The following SPECC1 variants were observed in gnomAD, a reference collection of about 807,000 sequenced individuals.
SPECC1 encodes the protein cytospin-B.
Under a neutral mutation model 104.1 loss-of-function variants are expected in SPECC1, and 62 were observed. The ratio of observed to expected loss-of-function variants is 0.60; its 90% CI spans 0.49 to 0.74. The LOEUF is 0.74. SPECC1 is among the 30% of genes least tolerant of loss of function. The pLI, the probability that SPECC1 is intolerant of heterozygous loss-of-function variation, is 0.00. For synonymous variants in SPECC1, 513 were observed against 501.6 expected, an observed-to-expected ratio of 1.02 and a Z score of -0.30; for missense variants, 1,306 against 1,310.5, an observed-to-expected ratio of 1.00 and a Z score of 0.05.
intron 3 of SPECC1, among the ~76,000 whole-genome samples, chr17:20,143,632 C>T (rs2031108035): frequency 6.6e-6 from 1 of 151,826 alleles, no homozygotes; most frequent in South Asian, 2.1e-4. Flanking sequence ...TGAGCCACTG[C>T]ACTCCAGCCT....
rs193176118 is a variant in SPECC1, at chr17:20,241,163, A to G, written c.2352-4763A>G. On this transcript the variant is annotated intron_variant, in intron 7 of 14. Coordinates refer to ENST00000395527, the MANE Select transcript of SPECC1 (RefSeq NM_001243439.2). Reference sequence around the variant, plus strand: ...TACTTGGAGGTACAGAAGCCCAGGTAGAGTAGAGAAGGGTGAGTGCCTAGT... The same window carrying G: ...TACTTGGAGGTACAGAAGCCCAGGTGGAGTAGAGAAGGGTGAGTGCCTAGT... Among the ~76,000 whole-genome samples the G allele has an allele frequency of 2.7e-3, 413 of 152,344 alleles. 1 individual carries two copies. Among genetic ancestry groups the G allele is most frequent in the African/African-American group, 8.6e-3 (359 of 41,596 alleles).
At chr17:20,159,024 C>T (rs1281807004) in intron 3 of SPECC1, among the ~76,000 whole-genome samples, 1 of 151,002 alleles carries the variant, frequency 6.6e-6, no homozygotes, top group Non-Finnish European at 1.5e-5. Context: ...GTGGTGTGAT[C>T]TTGGCTCACT....
intron 4 of SPECC1, among the ~76,000 whole-genome samples, chr17:20,211,818 CCTGCCTGACCCTG>C (rs2037170325): frequency 6.6e-6 from 1 of 152,228 alleles, no homozygotes. Flanking sequence ...GCTTCCCAAT[CCTGCCTGACCCTG>C]CTTCCCTGCG....
intron 5 of SPECC1, among the ~76,000 whole-genome samples, chr17:20,229,377 C>T (rs1003370141): frequency 6.6e-6 from 1 of 152,094 alleles, no homozygotes; most frequent in African/African-American, 2.4e-5. Flanking sequence ...CAACAAAGCG[C>T]ATCAGGCTAA....
At chr17:20,092,026 G>A (rs900235272) in intron 1 of SPECC1, among the ~76,000 whole-genome samples, 2 of 152,094 alleles carry the variant, frequency 1.3e-5, no homozygotes, top group African/African-American at 4.8e-5. Flanking sequence ...GCGCCTAATT[G>A]TATTCCTTAA....
rs532611179 is a variant in SPECC1 at position 20,128,921 on chromosome 17, C to T, written c.283+18359C>T. On this transcript the variant is annotated intron_variant, in intron 3 of 14. Transcript: ENST00000395527. ...AATTTTTTATTTTTAGAGACAGCGT[C>T]ACACTCTGTAACACAGGCTGGAGTG... Among the ~76,000 whole-genome samples, 251 of 152,166 alleles carry T rather than the reference C, an allele frequency of 1.6e-3. 2 individuals carry two copies. Among genetic ancestry groups the T allele is most frequent in the South Asian group, 1.0e-2 (48 of 4,818 alleles).
intron 3 of SPECC1, among the ~76,000 whole-genome samples, chr17:20,166,561 A>G (rs1265825010): frequency 6.6e-6 from 1 of 152,208 alleles, no homozygotes; most frequent in Non-Finnish European, 1.5e-5. Context: ...ATAATAAGCA[A>G]ATTTATTCCT....
At chr17:20,289,914 C>G (rs952261707) in intron 12 of SPECC1, among the ~76,000 whole-genome samples, 27 of 152,322 alleles carry the variant, frequency 1.8e-4, no homozygotes, top group African/African-American at 6.3e-4. Flanking sequence ...AAGTCTGAGG[C>G]AGGGAAACTT....
intron 1 of SPECC1, among the ~76,000 whole-genome samples, chr17:20,046,573 T>C (rs1354187933): frequency 6.6e-6 from 1 of 152,078 alleles, no homozygotes; most frequent in Non-Finnish European, 1.5e-5. Context: ...TAGAATACGT[T>C]AGAAGAGAAC....
intron 3 of SPECC1, chr17:20,155,991 T>G (rs998277800): frequency 3.1e-6 from 4 of 1,275,162 alleles, no homozygotes; most frequent in Non-Finnish European, 4.0e-6. Flanking sequence ...GCGGGCTTGA[T>G]GCAGATGAGG....
intron 12 of SPECC1, among the ~76,000 whole-genome samples, chr17:20,268,298 G>GA (rs200689400): frequency 2.4e-4 from 36 of 151,600 alleles, no homozygotes; most frequent in African/African-American, 5.8e-4. Context: ...CTCTTTTGGA[G>GA]AAAAAAAAAT....
intron 4 of SPECC1, among the ~76,000 whole-genome samples, chr17:20,209,472 T>C (rs1327954188): frequency 1.3e-5 from 2 of 152,194 alleles, no homozygotes; most frequent in Non-Finnish European, 2.9e-5. Context: ...AAAGTACTTT[T>C]TTAAAAATAG....
At chr17:20,240,619 G>A (rs1210375184) in intron 7 of SPECC1, among the ~76,000 whole-genome samples, 4 of 151,748 alleles carry the variant, frequency 2.6e-5, no homozygotes, top group Non-Finnish European at 5.9e-5. Context: ...TCTCCCACTG[G>A]GTAGCACTGT....
At chr17:20,195,513 A>C (rs2035972123) in intron 3 of SPECC1, among the ~76,000 whole-genome samples, 1 of 152,192 alleles carries the variant, frequency 6.6e-6, no homozygotes, top group South Asian at 2.1e-4. Context: ...TATATCAAAT[A>C]AGCCAAATGT....
chr17:20,072,867 A>T (rs529888866), intron 1 of SPECC1, among the ~76,000 whole-genome samples: 38 of 152,270 alleles, frequency 2.5e-4, no homozygotes, highest in African/African-American at 9.1e-4. Context: ...CTGTGGATAT[A>T]ACACATGTTG....
intron 4 of SPECC1, among the ~76,000 whole-genome samples, chr17:20,222,023 T>TG (rs1320756172): frequency 1.3e-5 from 2 of 151,914 alleles, no homozygotes; most frequent in Non-Finnish European, 2.9e-5. Context: ...TCAGTTTTTT[T>TG]TTTTTTTTTT....
intron 3 of SPECC1, among the ~76,000 whole-genome samples, chr17:20,115,517 C>A (rs1383119394): frequency 6.6e-6 from 1 of 151,596 alleles, no homozygotes; most frequent in African/African-American, 2.4e-5. Flanking sequence ...AATTGGAGAT[C>A]AAAATATTAG....
At chr17:20,218,666 G>GT (rs1361349366) in intron 4 of SPECC1, among the ~76,000 whole-genome samples, 1 of 151,598 alleles carries the variant, frequency 6.6e-6, no homozygotes, top group East Asian at 1.9e-4. Context: ...TGGGTACATA[G>GT]TAGGTATATA....
chr17:20,157,237 G>A (rs141554584), intron 3 of SPECC1, among the ~76,000 whole-genome samples: 62 of 152,174 alleles, frequency 4.1e-4, no homozygotes, highest in African/African-American at 1.4e-3. Context: ...CCTATCCTCG[G>A]GGTGGGGTGG....
Sources: gnomAD v4.1 joint callset for allele counts (sites outside exome capture counted in the v4.1 genomes callset) on GRCh38, gnomAD v4.1.1 for gene constraint, MANE v1.5 for transcripts, NCBI Gene and HGNC (gene_info 2026-07-23, HGNC 2026-07-21) for gene names.